The following SLC8A3 variants were observed in gnomAD, a reference collection of about 807,000 sequenced individuals.
SLC8A3 encodes the protein solute carrier family 8 member A3, also known as sodium/calcium exchanger 3.
In SLC8A3, 37 loss-of-function variants were observed where a neutral mutation model predicts 65.4. That is an observed-to-expected ratio of 0.57 (90% CI 0.44 to 0.74). The LOEUF (loss-of-function observed/expected upper bound fraction) is 0.74, where lower values mean the gene tolerates loss of function less well. Ranked by LOEUF, SLC8A3 falls within the 30% of genes least tolerant of loss-of-function variation. SLC8A3 has a pLI of 0.00. For missense variants in SLC8A3, 1,112 were observed against 1,172.1 expected (o/e 0.95, Z 0.75); for synonymous variants, 461 against 444.5 (o/e 1.04, Z -0.47).
At chr14:70,148,520 G>T (rs551965683) in intron 2 of SLC8A3, among the ~76,000 whole-genome samples, 2 of 152,274 alleles carry the variant, frequency 1.3e-5, no homozygotes, top group African/African-American at 4.8e-5. Flanking sequence ...CTTCAGCCTT[G>T]GATGGTGGCA....
rs1361493951 is a variant in SLC8A3, at chr14:70,166,991, C to T, written c.1432G>A (p.Glu478Lys). ...IIDDDIFEED[E>K]HFFVRLSNVR... ...TTGCTCAACCTTACAAAGAAGTGTT[C>T]ATCCTCCTCAAAAATGTCGTCATCA... Residue 478 changes from glutamate to lysine, a missense_variant, in exon 2 of 7, where the codon GAA becomes AAA. Glu to Lys is a moderately conservative substitution (Grantham distance 56, BLOSUM62 1). Coordinates refer to ENST00000356921, the MANE Select transcript of SLC8A3 (RefSeq NM_182932.3). 3.1e-6 allele frequency: 5 copies of T among 1,614,100 alleles called. No homozygotes were observed. The highest frequency in any genetic ancestry group is 4.2e-6 in the Non-Finnish European group (5 of 1,180,010).
At chr14:70,056,865 C>T (rs1227390199) in intron 3 of SLC8A3, among the ~76,000 whole-genome samples, 1 of 152,218 alleles carries the variant, frequency 6.6e-6, no homozygotes, top group East Asian at 1.9e-4. Flanking sequence ...ATGCTGAACC[C>T]TCTTAGAGTT....
chr14:70,143,379 C>G (rs1895699451), intron 2 of SLC8A3, among the ~76,000 whole-genome samples: 1 of 152,140 alleles, frequency 6.6e-6, no homozygotes, highest in South Asian at 2.1e-4. Flanking sequence ...CACTAAGGAG[C>G]CAGGCGTGCT....
intron 1 of SLC8A3, among the ~76,000 whole-genome samples, chr14:70,184,528 C>T (rs746775524): frequency 1.3e-5 from 2 of 152,180 alleles, no homozygotes; most frequent in Non-Finnish European, 2.9e-5. Context: ...CTCCTCTTTA[C>T]TTCCTCTCCT....
rs529685481 is a variant in SLC8A3, at chr14:70,060,798, CT to C, written c.1888+37del. 1.4e-3 allele frequency: 1,499 copies of C among 1,068,312 alleles called. 11 individuals carry two copies. The African/African-American group carries it at 0.014, about 10-fold the overall frequency. 66.2% of individuals were successfully genotyped at this position (1,068,312 alleles called of 1,614,324 possible). A position where few individuals can be genotyped will look rare whatever the true frequency, so the allele number is the denominator to read the frequency against. ...TTTCAGTTTGTTTTAATTTTTCTTT[CT>C]TTTTTTTTGTTGTTTTGTTTTTAAA... On this transcript the variant is annotated intron_variant, in intron 3 of 6. Coordinates refer to ENST00000356921, the MANE Select transcript of SLC8A3 (RefSeq NM_182932.3).
At chr14:70,072,856 C>T (rs753926415) in intron 2 of SLC8A3, among the ~76,000 whole-genome samples, 2 of 152,154 alleles carry the variant, frequency 1.3e-5, no homozygotes, top group Non-Finnish European at 2.9e-5. Context: ...CCATGTTGGC[C>T]CGGCTAGTCT....
intron 2 of SLC8A3, among the ~76,000 whole-genome samples, chr14:70,146,240 G>A (rs1015546447): frequency 6.6e-6 from 1 of 152,150 alleles, no homozygotes; most frequent in Admixed American, 6.5e-5. Context: ...GTGTAATGTC[G>A]ACAATGCCAT....
In SLC8A3 at chr14:70,051,520, C is replaced by T. The variant is rs567258186; in HGVS notation, c.2014-413G>A. 2.6e-5 allele frequency among the ~76,000 whole-genome samples: 4 copies of T among 152,190 alleles called. No individual in the cohort carries two copies. In the East Asian group the frequency reaches 7.7e-4, roughly 29 times the overall value. On this transcript the variant is annotated intron_variant, in intron 4 of 6. Coordinates refer to ENST00000356921, the MANE Select transcript of SLC8A3 (RefSeq NM_182932.3). ...CTCCCTATGTTGCCCAGGCTGGTCT[C>T]AAATTCCTAGGTATAAGTGACCCTC...
Position 70,096,123 on chromosome 14 carries a change from C to T in SLC8A3, c.1785-35184G>A, listed in dbSNP as rs140060233. On this transcript the variant is annotated intron_variant, in intron 2 of 6. Coordinates refer to ENST00000356921, the MANE Select transcript of SLC8A3 (RefSeq NM_182932.3). ...TCTTGAACTCCTGACCTCAGGTGAT[C>T]CACCTGCTTTGGGCTCCCAAAATGT... is the stretch of plus-strand genomic sequence containing the variant. Among the ~76,000 whole-genome samples the T allele has an allele frequency of 2.6e-5, 4 of 152,252 alleles. No homozygotes were observed. The East Asian group carries it at 7.7e-4, about 29-fold the overall frequency.
chr14:70,177,948 C>T (rs916586139), intron 1 of SLC8A3, among the ~76,000 whole-genome samples: 2 of 152,148 alleles, frequency 1.3e-5, no homozygotes, highest in African/African-American at 2.4e-5. Context: ...CAATGGAGAA[C>T]TGAACCAAGG....
intron 2 of SLC8A3, among the ~76,000 whole-genome samples, chr14:70,073,968 G>A (rs1041209219): frequency 2.6e-5 from 4 of 152,208 alleles, no homozygotes; most frequent in Non-Finnish European, 5.9e-5. Context: ...TGCTGTCCCT[G>A]GGCTGAGCAG....
intron 2 of SLC8A3, among the ~76,000 whole-genome samples, chr14:70,129,922 T>A (rs1894709973): frequency 1.3e-5 from 2 of 152,216 alleles, no homozygotes; most frequent in Non-Finnish European, 2.9e-5. Context: ...CAGGGCAGTA[T>A]GTGTTGGAGG....
chr14:70,130,438 G>C (rs1894749614), intron 2 of SLC8A3, among the ~76,000 whole-genome samples: 2 of 152,166 alleles, frequency 1.3e-5, no homozygotes, highest in African/African-American at 4.8e-5. Context: ...GTGTGTGTGA[G>C]ACAGCACATG....
chr14:70,178,749 G>A (rs1379131407), intron 1 of SLC8A3, among the ~76,000 whole-genome samples: 1 of 152,172 alleles, frequency 6.6e-6, no homozygotes, highest in Non-Finnish European at 1.5e-5. Flanking sequence ...AATTTATTGA[G>A]TGCCAAATGT....
chr14:70,071,968 C>A, intron 2 of SLC8A3, among the ~76,000 whole-genome samples: 1 of 152,124 alleles, frequency 6.6e-6, no homozygotes, highest in East Asian at 1.9e-4. Flanking sequence ...CCTTTGAGCC[C>A]TCTGCTGCAT....
At chr14:70,170,592 A>G (rs1466969376) in intron 1 of SLC8A3, among the ~76,000 whole-genome samples, 1 of 152,174 alleles carries the variant, frequency 6.6e-6, no homozygotes, top group Non-Finnish European at 1.5e-5. Context: ...TTTTATCTGA[A>G]TTGTAGCCAT....
intron 2 of SLC8A3, among the ~76,000 whole-genome samples, chr14:70,134,961 C>G (rs1217618131): frequency 6.6e-6 from 1 of 152,148 alleles, no homozygotes; most frequent in Non-Finnish European, 1.5e-5. Context: ...AAAGGGTGGA[C>G]CTCTCTAATC....
In SLC8A3 at chr14:70,072,458, T is replaced by G. The variant is rs978012324; in HGVS notation, c.1785-11519A>C. Among the ~76,000 whole-genome samples, 4 of 152,142 alleles carry G rather than the reference T, an allele frequency of 2.6e-5. 1 individual carries two copies. The highest frequency in any genetic ancestry group is 5.9e-5 in the Non-Finnish European group (4 of 68,032). The stretch of plus-strand genomic sequence containing the variant: ...CTTTTTTTTTAAGGTTTTCATGCCT[T>G]GTAGGGTAGCTCTACAGGGTAGAAA... On this transcript the variant is annotated intron_variant, in intron 2 of 6. Coordinates refer to ENST00000356921, the MANE Select transcript of SLC8A3 (RefSeq NM_182932.3).
At chr14:70,181,698 A>T (rs913828928) in intron 1 of SLC8A3, among the ~76,000 whole-genome samples, 1 of 152,210 alleles carries the variant, frequency 6.6e-6, no homozygotes, top group African/African-American at 2.4e-5. Context: ...GAGGCTAGAT[A>T]TGGAGTGGGG....
Sources: allele counts gnomAD v4.1 joint callset (sites outside exome capture counted in the v4.1 genomes callset), GRCh38; gene constraint gnomAD v4.1.1; transcripts MANE v1.5; gene names NCBI Gene and HGNC (gene_info 2026-07-23, HGNC 2026-07-21).